TMEM38A: variants seen among roughly 807,000 people sequenced by gnomAD.
TMEM38A encodes transmembrane protein 38A.
In TMEM38A, 17 loss-of-function variants were observed where a neutral mutation model predicts 28.6. The ratio of observed to expected loss-of-function variants is 0.60; its 90% CI spans 0.41 to 0.89. The LOEUF is 0.89. TMEM38A is among the 40% of genes least tolerant of loss of function. The pLI, the probability that TMEM38A is intolerant of heterozygous loss-of-function variation, is 0.00. For missense variants in TMEM38A, 328 were observed against 393.1 expected, an observed-to-expected ratio of 0.83 and a Z score of 1.40; for synonymous variants, 169 against 166.1, an observed-to-expected ratio of 1.02 and a Z score of -0.14.
rs895554358 is a variant in TMEM38A, at chr19:16,673,652, G to A, written c.125-6332G>A. On this transcript the variant is annotated intron_variant, in intron 1 of 5. Transcript: ENST00000187762. Reference sequence around the variant, plus strand: ...CTGATGCGCTCACCTGGATTTGTAGGAGAAACTCTGGCATTGATGATTATT... The same window carrying A: ...CTGATGCGCTCACCTGGATTTGTAGAAGAAACTCTGGCATTGATGATTATT... Among the ~76,000 whole-genome samples, 14 of 152,156 alleles carry A rather than the reference G, an allele frequency of 9.2e-5. No individual in the cohort carries two copies. In the East Asian group the frequency reaches 1.5e-3, roughly 17 times the overall value.
At chr19:16,683,341 C>A (rs2086789162) in intron 4 of TMEM38A, among the ~76,000 whole-genome samples, 1 of 151,866 alleles carries the variant, frequency 6.6e-6, no homozygotes, top group Non-Finnish European at 1.5e-5. Flanking sequence ...GTAATCTCTG[C>A]ACTTTGGGAG....
In TMEM38A at chr19:16,688,380, C is replaced by A; in HGVS notation, c.*9C>A. Reference sequence around the variant, plus strand: ...CCAAGAAGGCGGATTAGGGGGTGGCCCAAGGGGCACCGGGGAGAGGACCCG... The same window carrying A: ...CCAAGAAGGCGGATTAGGGGGTGGCACAAGGGGCACCGGGGAGAGGACCCG... On this transcript the variant is annotated 3_prime_UTR_variant, in exon 6 of 6. Transcript: ENST00000187762. The A allele has an allele frequency of 6.4e-7, 1 of 1,555,320 alleles. No individual in the cohort carries two copies. The highest frequency in any genetic ancestry group is 8.7e-7 in the Non-Finnish European group (1 of 1,154,432).
At position 16,685,246 on chromosome 19, in the gene TMEM38A, C is replaced by T. The variant is rs1276480130; in HGVS notation, c.555-1042C>T. Among the ~76,000 whole-genome samples, 3 of 151,584 alleles carry T rather than the reference C, an allele frequency of 2.0e-5. No individual in the cohort carries two copies. In the South Asian group the frequency reaches 6.3e-4, roughly 32 times the overall value. On this transcript the variant is annotated intron_variant, in intron 4 of 5. Transcript: ENST00000187762. ...TAGTAAAAATACAAAAATCAGCTGG[C>T]GTGGTGGCGGGCATCTGTAATCCCA...
At chr19:16,663,381 G>T (rs1405423525) in intron 1 of TMEM38A, among the ~76,000 whole-genome samples, 1 of 152,040 alleles carries the variant, frequency 6.6e-6, no homozygotes, top group Non-Finnish European at 1.5e-5. Flanking sequence ...CTGGGAACTT[G>T]CAGGAAGGTT....
chr19:16,671,201 CTTTTTTT>C, intron 1 of TMEM38A, among the ~76,000 whole-genome samples: 1 of 84,854 alleles, frequency 1.2e-5, no homozygotes, highest in African/African-American at 6.6e-5. Flanking sequence ...AGGACCTGGG[CTTTTTTT>C]TTTTTTTTTT....
At chr19:16,682,605 C>A in intron 4 of TMEM38A, 97 bp downstream of exon 4, 1 of 1,074,702 alleles carries the variant, frequency 9.3e-7, no homozygotes, top group South Asian at 1.3e-5. Context: ...AGGCCTCAAC[C>A]CTTGACTCTG....
chr19:16,668,854 A>T (rs1599385839), intron 1 of TMEM38A, among the ~76,000 whole-genome samples: 3 of 112,596 alleles, frequency 2.7e-5, no homozygotes. Context: ...TTTGAAATGG[A>T]CTTTGCTCTT....
intron 2 of TMEM38A, 69 bp downstream of exon 2, chr19:16,680,209 G>T: frequency 6.4e-7 from 1 of 1,573,384 alleles, no homozygotes. Context: ...CCAGGGAGGA[G>T]AGAGGTTGGA....
intron 1 of TMEM38A, among the ~76,000 whole-genome samples, chr19:16,664,090 A>G (rs1181573362): frequency 6.6e-6 from 1 of 152,118 alleles, no homozygotes; most frequent in African/African-American, 2.4e-5. Flanking sequence ...AAGAATCAGT[A>G]CAATTGATGT....
intron 1 of TMEM38A, among the ~76,000 whole-genome samples, chr19:16,669,603 G>T (rs1236050408): frequency 6.6e-6 from 1 of 152,102 alleles, no homozygotes. Context: ...CTTTTTGAGG[G>T]CAGGAGGCTG....
chr19:16,662,896 G>A (rs1422010593), intron 1 of TMEM38A, among the ~76,000 whole-genome samples: 2 of 151,932 alleles, frequency 1.3e-5, no homozygotes, highest in African/African-American at 4.8e-5. Context: ...CTTTTGTGTT[G>A]TCCTAGCATG....
chr19:16,671,392 G>A (rs4808052), intron 1 of TMEM38A, among the ~76,000 whole-genome samples: 23,642 of 151,664 alleles, frequency 0.16, 3,006 homozygotes, highest in African/African-American at 0.35. Flanking sequence ...TAGTGGAGAC[G>A]GGGTTTCACC....
intron 1 of TMEM38A, among the ~76,000 whole-genome samples, chr19:16,671,745 T>A (rs1008050919): frequency 6.6e-6 from 1 of 152,216 alleles, no homozygotes; most frequent in African/African-American, 2.4e-5. Context: ...GTGACTTTTA[T>A]AGCAGGGCAC....
chr19:16,683,424 A>AT (rs1232549937), intron 4 of TMEM38A, among the ~76,000 whole-genome samples: 1 of 151,504 alleles, frequency 6.6e-6, no homozygotes, highest in East Asian at 1.9e-4. Context: ...CCTATTCTAT[A>AT]TTAAAAAAAA....
At chr19:16,676,610 G>T (rs1213618341) in intron 1 of TMEM38A, among the ~76,000 whole-genome samples, 1 of 151,976 alleles carries the variant, frequency 6.6e-6, no homozygotes, top group African/African-American at 2.4e-5. Flanking sequence ...CTAACTCCAA[G>T]GTGTGGCCTT....
At chr19:16,676,198 A>C (rs1412748198) in intron 1 of TMEM38A, among the ~76,000 whole-genome samples, 1 of 148,404 alleles carries the variant, frequency 6.7e-6, no homozygotes, top group Admixed American at 6.6e-5. Flanking sequence ...GTCTCTACTA[A>C]AATTACAAAA....
chr19:16,674,813 C>CA (rs1238297257), intron 1 of TMEM38A, among the ~76,000 whole-genome samples: 1 of 149,332 alleles, frequency 6.7e-6, no homozygotes, highest in Non-Finnish European at 1.5e-5. Context: ...CAAACAACAA[C>CA]AACAAAAAAA....
At chr19:16,678,333 G>T (rs1050121972) in intron 1 of TMEM38A, among the ~76,000 whole-genome samples, 14 of 151,288 alleles carry the variant, frequency 9.3e-5, no homozygotes, top group Admixed American at 5.9e-4. Flanking sequence ...GGTGGCTGAG[G>T]CAGGAGAATC....
intron 1 of TMEM38A, among the ~76,000 whole-genome samples, chr19:16,664,427 AAAAG>A (rs1219337981): frequency 6.6e-6 from 1 of 152,052 alleles, no homozygotes; most frequent in Non-Finnish European, 1.5e-5. Context: ...TGTCTTGGAA[AAAAG>A]AAAGAAAGAA....
Sources: gnomAD v4.1 joint callset for allele counts (sites outside exome capture counted in the v4.1 genomes callset) on GRCh38, gnomAD v4.1.1 for gene constraint, MANE v1.5 for transcripts, NCBI Gene and HGNC (gene_info 2026-07-23, HGNC 2026-07-21) for gene names.